USP9X: variants seen among roughly 807,000 people sequenced by gnomAD.
USP9X encodes the protein ubiquitin specific peptidase 9 X-linked.
Under a neutral mutation model 190.3 loss-of-function variants are expected in USP9X, and 7 were observed. The ratio of observed to expected loss-of-function variants is 0.04; its 90% CI spans 0.02 to 0.07. USP9X has a LOEUF of 0.07. Among genes scored for constraint, USP9X ranks in the 10% least tolerant of loss-of-function variants. The pLI, the probability that USP9X is intolerant of heterozygous loss-of-function variation, is 1.00. For synonymous variants in USP9X, 645 were observed against 659.5 expected (o/e 0.98, Z 0.34); for missense variants, 1,010 against 1,916.9 (o/e 0.53, Z 8.83).
intron 14 of USP9X, among the ~76,000 whole-genome samples, chrX:41,157,640 ACAAG>A (rs2062590978): frequency 9.0e-6 from 1 of 111,420 alleles, no homozygotes; most frequent in Admixed American, 9.5e-5. Context: ...CAGTCACTAA[ACAAG>A]CAAGCAAACG....
At chrX:41,161,328 CCTTTTTT>C (rs2062628144) in intron 14 of USP9X, among the ~76,000 whole-genome samples, 1 of 58,152 alleles carries the variant, frequency 1.7e-5, no homozygotes, top group African/African-American at 8.5e-5. Context: ...AGAATTCTTG[CCTTTTTT>C]TTTTTTTTTT....
In USP9X at chrX:41,170,629, T is replaced by TA. The variant is rs763681381; in HGVS notation, c.3027+11dup. On this transcript the variant is annotated intron_variant, in intron 20 of 44. Transcript: ENST00000378308. ...CTGTTTGCCTGGAGTGGTGAGTAGA[T>TA]ACAGTTTTGAACTACTGTATGTAAG... 61 of 1,204,356 alleles carry TA rather than the reference T, an allele frequency of 5.1e-5. No homozygotes were observed. In the African/African-American group the frequency reaches 9.3e-4, roughly 18 times the overall value.
intron 17 of USP9X, 43 bp downstream of exon 17, chrX:41,167,620 C>T (rs765178607): frequency 9.1e-6 from 9 of 987,728 alleles, no homozygotes; most frequent in African/African-American, 3.9e-5. Flanking sequence ...ATAATTCTTT[C>T]GGCCCCCATT....
At chrX:41,206,945 C>T (rs1481200450) in intron 32 of USP9X, among the ~76,000 whole-genome samples, 1 of 107,921 alleles carries the variant, frequency 9.3e-6, no homozygotes, top group African/African-American at 3.4e-5. Context: ...CCAACCATGC[C>T]CGGCCAAGTT....
chrX:41,133,606 A>G (rs1326943945), intron 4 of USP9X, among the ~76,000 whole-genome samples: 1 of 111,717 alleles, frequency 9.0e-6, no homozygotes, highest in Non-Finnish European at 1.9e-5. Context: ...TAATTTTTGT[A>G]CCCATTAACC....
In USP9X at chrX:41,236,112, A is replaced by G. The variant is rs866770043; in HGVS notation, c.*3588A>G. 9.0e-6 allele frequency: 1 copy of G among 110,721 alleles called. No homozygotes were observed. The highest frequency in any genetic ancestry group is 2.8e-4 in the East Asian group (1 of 3,552). 9.1% of individuals were successfully genotyped at this position (110,721 alleles called of 1,213,427 possible). A position where few individuals can be genotyped will look rare whatever the true frequency, so the allele number is the denominator to read the frequency against. On this transcript the variant is annotated 3_prime_UTR_variant, in exon 45 of 45. Coordinates refer to ENST00000378308, the MANE Select transcript of USP9X (RefSeq NM_001039591.3). ...TTTTGGTCTCTAGTTTGAAGGTACT[A>G]CATACTGCCGATAAAGGAAAACACT...
intron 10 of USP9X, 106 bp from the exon 11 acceptor site, chrX:41,144,416 A>G: frequency 1.6e-6 from 1 of 637,404 alleles, no homozygotes; most frequent in Non-Finnish European, 2.5e-6. Flanking sequence ...ACATAGTTAA[A>G]TGAAGGAGAT....
In USP9X at chrX:41,205,637, T is replaced by G. The variant is rs1251483356; in HGVS notation, c.5015+144T>G. ...AAACTGTCCTTAATTGGGTGGGTTT[T>G]TTTTTTTTTTTTTAGGTCCCCTTAG... On this transcript the variant is annotated intron_variant, in intron 32 of 44. Transcript: ENST00000378308. The G allele has an allele frequency of 2.5e-4, 115 of 457,345 alleles. No individual in the cohort carries two copies. The African/African-American group carries it at 2.8e-3, about 11-fold the overall frequency. 37.7% of individuals were successfully genotyped at this position (457,345 alleles called of 1,213,427 possible).
intron 11 of USP9X, among the ~76,000 whole-genome samples, chrX:41,145,085 T>C (rs1324769368): frequency 8.9e-6 from 1 of 111,959 alleles, no homozygotes; most frequent in East Asian, 2.8e-4. Flanking sequence ...TTTGAGGCCA[T>C]GTTTTGTAAC....
chrX:41,117,200 A>G (rs1016137930), intron 1 of USP9X, among the ~76,000 whole-genome samples: 5 of 111,805 alleles, frequency 4.5e-5, no homozygotes, highest in East Asian at 2.8e-4. Context: ...TAAGCAGAAG[A>G]TGATTTAGTT....
chrX:41,100,655 A>T (rs1033054768), intron 1 of USP9X, among the ~76,000 whole-genome samples: 9 of 110,853 alleles, frequency 8.1e-5, no homozygotes, highest in Non-Finnish European at 1.3e-4. Context: ...TTTAAAAAAA[A>T]TTTTTTTTGA....
At chrX:41,154,345 C>T (rs1298131424) in intron 14 of USP9X, among the ~76,000 whole-genome samples, 1 of 111,716 alleles carries the variant, frequency 9.0e-6, no homozygotes, top group Non-Finnish European at 1.9e-5. Flanking sequence ...GTAGTATACC[C>T]AAGCATTTGG....
At chrX:41,130,172 A>G (rs2062296283) in intron 3 of USP9X, among the ~76,000 whole-genome samples, 1 of 111,875 alleles carries the variant, frequency 8.9e-6, no homozygotes, top group African/African-American at 3.2e-5. Flanking sequence ...GCTTTCATTT[A>G]TCTTGAATAT....
At chrX:41,157,866 A>G (rs1341031886) in intron 14 of USP9X, among the ~76,000 whole-genome samples, 1 of 112,057 alleles carries the variant, frequency 8.9e-6, no homozygotes. Context: ...AACTGAAGAA[A>G]ACCATGTCTA....
rs183210198 is a variant in USP9X at position 41,094,747 on chromosome X, C to T, written c.-159+8638C>T. Among the ~76,000 whole-genome samples the T allele has an allele frequency of 9.1e-5, 10 of 109,495 alleles. No homozygotes were observed. The East Asian group carries it at 2.6e-3, about 29-fold the overall frequency. On this transcript the variant is annotated intron_variant, in intron 1 of 44. Coordinates refer to ENST00000378308, the MANE Select transcript of USP9X (RefSeq NM_001039591.3). ...TGCGGGTGAGTGAAAATTCAAAATCCGAAATTTGGGGCCAGGCGCGGTGGC... is the reference window on the plus strand; with the variant it reads ...TGCGGGTGAGTGAAAATTCAAAATCTGAAATTTGGGGCCAGGCGCGGTGGC...
At chrX:41,148,654 T>A in intron 12 of USP9X, 79 bp downstream of exon 12, 1 of 919,724 alleles carries the variant, frequency 1.1e-6, no homozygotes, top group Non-Finnish European at 1.5e-6. Context: ...ATAGTTCTGT[T>A]ACTCTGACAT....
chrX:41,210,368 C>A, intron 32 of USP9X, 141 bp from the exon 33 acceptor site: 1 of 585,054 alleles, frequency 1.7e-6, no homozygotes, highest in Non-Finnish European at 2.7e-6. Flanking sequence ...CCTACTTTTT[C>A]CATGTAATTG....
chrX:41,113,139 A>G (rs942078401), intron 1 of USP9X, among the ~76,000 whole-genome samples: 1 of 112,703 alleles, frequency 8.9e-6, no homozygotes, highest in African/African-American at 3.2e-5. Flanking sequence ...AATCTGTCAT[A>G]GCAACAGCAT....
chrX:41,125,678 A>ACTCTCTCTCT (rs1353372304), intron 2 of USP9X, among the ~76,000 whole-genome samples: 31 of 33,861 alleles, frequency 9.2e-4, no homozygotes, highest in African/African-American at 3.6e-3. Flanking sequence ...ACACACACAC[A>ACTCTCTCTCT]CACACACTCT....
Sources: gnomAD v4.1 joint callset for allele counts (sites outside exome capture counted in the v4.1 genomes callset) on GRCh38, gnomAD v4.1.1 for gene constraint, MANE v1.5 for transcripts, NCBI Gene and HGNC (gene_info 2026-07-23, HGNC 2026-07-21) for gene names.